Variants in CDK5R1 observed in about 807,000 individuals in gnomAD.
CDK5R1 encodes the protein cyclin-dependent kinase 5 activator 1.
Under a neutral mutation model 19.0 loss-of-function variants are expected in CDK5R1, and 1 was observed. The observed-to-expected ratio is 0.05, with a 90% CI of 0.02 to 0.25. The LOEUF is 0.25. CDK5R1 is among the 10% of genes least tolerant of loss of function. The pLI is 1.00. For missense variants in CDK5R1, 314 were observed against 401.0 expected (o/e 0.78, Z 1.85); for synonymous variants, 225 against 187.7 (o/e 1.20, Z -1.62).
chr17:32,488,214 G>A lies in CDK5R1; in HGVS notation c.594G>A (p.Pro198=), dbSNP rs757514550. The change falls in exon 2 of 2, where the codon CCG becomes CCA. Residue 198 remains proline (P), a synonymous_variant. Transcript: ENST00000313401. ...GGCAGGACCAGGGCTTCATCACGCCGGCCAACGTGGTCTTCCTCTACATGC... is the reference window on the plus strand; with the variant it reads ...GGCAGGACCAGGGCTTCATCACGCCAGCCAACGTGGTCTTCCTCTACATGC... The part of the protein sequence containing the change: ...QGWQDQGFIT[P]ANVVFLYMLC... 1.2e-6 allele frequency: 2 copies of A among 1,613,900 alleles called. No individual in the cohort carries two copies. The highest frequency in any genetic ancestry group is 1.7e-5 in the Admixed American group (1 of 60,036).
rs536148917 is a variant in CDK5R1 at position 32,490,338 on chromosome 17, G to C, written c.*1794G>C. ...ATGGAAGAGGGAGGGTCAGTGCCAA[G>C]TCTCAGGAGGAGGGCGCATGTGTGT... On this transcript the variant is annotated 3_prime_UTR_variant, in exon 2 of 2. Transcript: ENST00000313401. The C allele has an allele frequency of 6.0e-6, 1 of 167,358 alleles. No homozygotes were observed. The highest frequency in any genetic ancestry group is 1.9e-4 in the East Asian group (1 of 5,200). 10.4% of individuals were successfully genotyped at this position (167,358 alleles called of 1,614,324 possible). A position where few individuals can be genotyped will look rare whatever the true frequency, so the allele number is the denominator to read the frequency against.
rs1233110155 is a variant in CDK5R1, at chr17:32,488,421, C to T, written c.801C>T (p.Leu267=). ...FWDRCLSVIN[L]MSSKMLQINA... is the part of the protein sequence containing the mutation. Reference sequence around the variant, plus strand: ...ACCGTTGCCTCTCTGTCATCAACCTCATGAGCTCAAAGATGCTGCAGATAA... The same window carrying T: ...ACCGTTGCCTCTCTGTCATCAACCTTATGAGCTCAAAGATGCTGCAGATAA... Residue 267 remains leucine, a synonymous_variant, in exon 2 of 2, where the codon CTC becomes CTT. Transcript: ENST00000313401. 4.3e-6 allele frequency: 7 copies of T among 1,614,134 alleles called. No individual in the cohort carries two copies. Among genetic ancestry groups the T allele is most frequent in the African/African-American group, 2.7e-5 (2 of 75,024 alleles).
chr17:32,489,364 A>C lies in CDK5R1; in HGVS notation c.*820A>C. 1 of 453,468 alleles carries C rather than the reference A, an allele frequency of 2.2e-6. No homozygotes were observed. Among genetic ancestry groups the C allele is most frequent in the Middle Eastern group, 4.1e-4 (1 of 2,416 alleles). The allele number at this position is 453,468 out of a possible 1,614,324, so 28.1% of individuals were successfully genotyped here. On this transcript the variant is annotated 3_prime_UTR_variant, in exon 2 of 2. Transcript: ENST00000313401. ...GTGCAGTCACCCTGTGGCAAATGCCAGGACAGCTGCAGGTGCCCATTAGCA... is the reference window on the plus strand; with the variant it reads ...GTGCAGTCACCCTGTGGCAAATGCCCGGACAGCTGCAGGTGCCCATTAGCA...
At position 32,489,030 on chromosome 17, in the gene CDK5R1, G is replaced by A. The variant is rs1908778018; in HGVS notation, c.*486G>A. 2.6e-6 allele frequency: 1 copy of A among 386,242 alleles called. No individual in the cohort carries two copies. Among genetic ancestry groups the A allele is most frequent in the Admixed American group, 3.3e-5 (1 of 30,104 alleles). The allele number at this position is 386,242 out of a possible 1,614,324, so 23.9% of individuals were successfully genotyped here. A position where few individuals can be genotyped will look rare whatever the true frequency, so the allele number is the denominator to read the frequency against. ...AGTGGGGTCGTGAGGCAAGATCCCC[G>A]CCACCCGGGGACATCTTCAATCTAG... On this transcript the variant is annotated 3_prime_UTR_variant, in exon 2 of 2. Coordinates refer to ENST00000313401, the MANE Select transcript of CDK5R1 (RefSeq NM_003885.3).
chr17:32,489,891 C>T lies in CDK5R1; in HGVS notation c.*1347C>T, dbSNP rs914120723. ...AGACACTACAGAGGATTCTGTCTTC[C>T]AGGCCCAGTCCACTGGGGAGTGCTG... On this transcript the variant is annotated 3_prime_UTR_variant, in exon 2 of 2. Transcript: ENST00000313401. 2.4e-5 allele frequency: 4 copies of T among 167,088 alleles called. No individual in the cohort carries two copies. Among genetic ancestry groups the T allele is most frequent in the Non-Finnish European group, 1.5e-5 (1 of 68,184 alleles). The allele number at this position is 167,088 out of a possible 1,614,324, so 10.4% of individuals were successfully genotyped here. A position where few individuals can be genotyped will look rare whatever the true frequency, so the allele number is the denominator to read the frequency against.
In CDK5R1 at chr17:32,488,571, G is replaced by C. The variant is rs1321902846; in HGVS notation, c.*27G>C. On this transcript the variant is annotated 3_prime_UTR_variant, in exon 2 of 2. Transcript: ENST00000313401. Reference sequence around the variant, plus strand: ...CACTGTAGCCTGCGTCATGGCTCAAGGATTCAATGCATTTTTAAGAATTTA... The same window carrying C: ...CACTGTAGCCTGCGTCATGGCTCAACGATTCAATGCATTTTTAAGAATTTA... 1.2e-6 allele frequency: 2 copies of C among 1,613,940 alleles called. No individual in the cohort carries two copies. The highest frequency in any genetic ancestry group is 1.7e-5 in the Admixed American group (1 of 60,020).
In CDK5R1 at chr17:32,488,385, G is replaced by A. The variant is rs775959493; in HGVS notation, c.765G>A (p.Glu255=). The A allele has an allele frequency of 4.8e-5, 78 of 1,613,928 alleles. No individual in the cohort carries two copies. Among genetic ancestry groups the A allele is most frequent in the Non-Finnish European group, 6.4e-5 (75 of 1,180,028 alleles). Residue 255 remains glutamate, a synonymous_variant, in exon 2 of 2, where the codon GAG becomes GAA. Coordinates refer to ENST00000313401, the MANE Select transcript of CDK5R1 (RefSeq NM_003885.3). ...LKPFLVESCK[E]AFWDRCLSVI... ...CCTTCCTGGTGGAGAGCTGCAAGGAGGCCTTTTGGGACCGTTGCCTCTCTG... is the reference window on the plus strand; with the variant it reads ...CCTTCCTGGTGGAGAGCTGCAAGGAAGCCTTTTGGGACCGTTGCCTCTCTG...
rs1333698141 is a variant in CDK5R1 at position 32,487,125 on chromosome 17, T to A, written c.-183T>A. ...GCGGCGGCGGGGCCGCGGCGCGCATTGCGGAGGGCGCGGAGCGCAGGAGCT... is the reference window on the plus strand; with the variant it reads ...GCGGCGGCGGGGCCGCGGCGCGCATAGCGGAGGGCGCGGAGCGCAGGAGCT... On this transcript the variant is annotated 5_prime_UTR_variant, in exon 1 of 2. Transcript: ENST00000313401. This position sits in a 1 kb window ranked among gnomAD's most constrained non-coding sequence, Gnocchi z 7.9. 1 of 145,710 alleles carries A rather than the reference T, an allele frequency of 6.9e-6. No individual in the cohort carries two copies. The allele number at this position is 145,710 out of a possible 1,614,324, so 9.0% of individuals were successfully genotyped here. A position where few individuals can be genotyped will look rare whatever the true frequency, so the allele number is the denominator to read the frequency against.
chr17:32,487,688 C>A lies in CDK5R1; in HGVS notation c.68C>A (p.Thr23Asn). The change falls in exon 2 of 2, where the codon ACC (threonine) becomes AAC (asparagine). Residue 23 changes from threonine (T) to asparagine (N), a missense_variant. Physicochemically the swap from Thr to Asn is moderately conservative, Grantham distance 65. Transcript: ENST00000313401. This position sits in a 1 kb window ranked among gnomAD's most constrained non-coding sequence, Gnocchi z 7.9. Reference protein sequence around the residue: ...KATLFEDGAATVGHYTAVQNS... With the variant: ...KATLFEDGAANVGHYTAVQNS... ...ACGCTGTTTGAGGATGGCGCGGCCA[C>A]CGTGGGCCACTATACGGCCGTACAG... The A allele has an allele frequency of 6.2e-7, 1 of 1,613,736 alleles. No homozygotes were observed. The highest frequency in any genetic ancestry group is 1.7e-5 in the Admixed American group (1 of 60,002).
Position 32,487,863 on chromosome 17 carries a change from C to G in CDK5R1, c.243C>G (p.Leu81=). 1.2e-6 allele frequency: 2 copies of G among 1,614,040 alleles called. No homozygotes were observed. The highest frequency in any genetic ancestry group is 1.7e-6 in the Non-Finnish European group (2 of 1,180,028). The change falls in exon 2 of 2, where the codon CTC becomes CTG. Residue 81 remains leucine (L), a synonymous_variant. Coordinates refer to ENST00000313401, the MANE Select transcript of CDK5R1 (RefSeq NM_003885.3). This position sits in a 1 kb window ranked among gnomAD's most constrained non-coding sequence, Gnocchi z 7.9. The stretch of plus-strand genomic sequence containing the variant: ...GCTACCAGAACAACATCACGCACCT[C>G]AACAATGAGAACCTGAAGAAGTCGC... ...NSSYQNNITH[L]NNENLKKSLS...
chr17:32,488,503 C>G lies in CDK5R1; in HGVS notation c.883C>G (p.Gln295Glu). 1.9e-6 allele frequency: 3 copies of G among 1,614,170 alleles called. No homozygotes were observed. The highest frequency in any genetic ancestry group is 2.5e-6 in the Non-Finnish European group (3 of 1,180,036). ...VFSDLKNESG[Q>E]EDKKRLLLGL... ...CTCCGACCTGAAGAACGAGAGCGGCCAGGAGGACAAGAAGCGGCTCCTCCT... is the reference window on the plus strand; with the variant it reads ...CTCCGACCTGAAGAACGAGAGCGGCGAGGAGGACAAGAAGCGGCTCCTCCT... The change falls in exon 2 of 2, where the codon CAG (glutamine) becomes GAG (glutamate). Residue 295 changes from glutamine to glutamate, a missense_variant. Around this residue, in one of 3 missense-constraint regions of CDK5R1, gnomAD observed 106 missense variants for 132.1 expected, o/e 0.80. Coordinates refer to ENST00000313401, the MANE Select transcript of CDK5R1 (RefSeq NM_003885.3).
In CDK5R1 at chr17:32,489,275, GC is replaced by G. The variant is rs1443225252; in HGVS notation, c.*732del. 2.1e-6 allele frequency: 1 copy of G among 471,110 alleles called. No homozygotes were observed. The highest frequency in any genetic ancestry group is 2.3e-5 in the Admixed American group (1 of 42,594). 29.2% of individuals were successfully genotyped at this position (471,110 alleles called of 1,614,324 possible). ...TTAATTTCTCTCAATTTGGGTCCCAGCTAAAGAGGTGGGGTGAAGCTGGGGA... is the reference window on the plus strand; with the variant it reads ...TTAATTTCTCTCAATTTGGGTCCCAGTAAAGAGGTGGGGTGAAGCTGGGGA... On this transcript the variant is annotated 3_prime_UTR_variant, in exon 2 of 2. Coordinates refer to ENST00000313401, the MANE Select transcript of CDK5R1 (RefSeq NM_003885.3).
rs1301082610 is a variant in CDK5R1, at chr17:32,487,260, T to G, written c.-146+98T>G. 1 of 146,204 alleles carries G rather than the reference T, an allele frequency of 6.8e-6. No individual in the cohort carries two copies. Among genetic ancestry groups the G allele is most frequent in the Non-Finnish European group, 1.5e-5 (1 of 65,702 alleles). The allele number at this position is 146,204 out of a possible 1,614,324, so 9.1% of individuals were successfully genotyped here. The stretch of plus-strand genomic sequence containing the variant: ...AGGCGGGGGTCCTCGGCCGCCTCCG[T>G]CGGCGACCGGGCCCCTCCCGGCTGC... On this transcript the variant is annotated intron_variant, in intron 1 of 1. Transcript: ENST00000313401. The surrounding 1 kb of genome is among the most constrained non-coding windows in gnomAD (Gnocchi z 7.9).
chr17:32,488,899 C>G lies in CDK5R1; in HGVS notation c.*355C>G, dbSNP rs1384817910. ...AGAGAGGGGCCTCTGGCTGCCTGGC[C>G]CAGGGAGGAATTGGGGTTTCTGGTT... On this transcript the variant is annotated 3_prime_UTR_variant, in exon 2 of 2. Transcript: ENST00000313401. 2.6e-6 allele frequency: 1 copy of G among 384,136 alleles called. No homozygotes were observed. The highest frequency in any genetic ancestry group is 2.2e-5 in the South Asian group (1 of 45,872). The allele number at this position is 384,136 out of a possible 1,614,324, so 23.8% of individuals were successfully genotyped here. A position where few individuals can be genotyped will look rare whatever the true frequency, so the allele number is the denominator to read the frequency against.
In CDK5R1 at chr17:32,487,793, T is replaced by C. The variant is rs1443682931; in HGVS notation, c.173T>C (p.Val58Ala). 2 of 1,613,690 alleles carry C rather than the reference T, an allele frequency of 1.2e-6. No homozygotes were observed. The highest frequency in any genetic ancestry group is 2.2e-5 in the East Asian group (1 of 44,830). Residue 58 changes from valine to alanine, a missense_variant, in exon 2 of 2, where the codon GTG becomes GCG. Coordinates refer to ENST00000313401, the MANE Select transcript of CDK5R1 (RefSeq NM_003885.3). The surrounding 1 kb of genome is among the most constrained non-coding windows in gnomAD (Gnocchi z 7.9). Reference protein sequence around the residue: ...SVLPWKRIVAVSAKKKNSKKV... With the variant: ...SVLPWKRIVAASAKKKNSKKV... ...CTGCCTTGGAAGAGAATCGTGGCCG[T>C]GTCGGCCAAGAAGAAGAACTCCAAG...
rs1908745732 is a variant in CDK5R1 at position 32,488,159 on chromosome 17, G to T, written c.539G>T (p.Ser180Ile). The stretch of plus-strand genomic sequence containing the variant: ...ACGGACCCCGTGCTCTGGCTGCGCA[G>T]CGTGGACCGCTCGCTGCTTCTGCAG... ...SPTDPVLWLRSVDRSLLLQGW... is the reference protein window; with the variant it reads ...SPTDPVLWLRIVDRSLLLQGW... Residue 180 changes from serine to isoleucine, a missense_variant, in exon 2 of 2, where the codon AGC becomes ATC. Transcript: ENST00000313401. 1 of 1,613,612 alleles carries T rather than the reference G, an allele frequency of 6.2e-7. No individual in the cohort carries two copies. The highest frequency in any genetic ancestry group is 8.5e-7 in the Non-Finnish European group (1 of 1,180,022).
In CDK5R1 at chr17:32,487,743, G is replaced by A. The variant is rs780152750; in HGVS notation, c.123G>A (p.Leu41=). The A allele has an allele frequency of 6.2e-7, 1 of 1,614,122 alleles. No homozygotes were observed. Residue 41 remains leucine (L), a synonymous_variant, in exon 2 of 2, where the codon CTG becomes CTA. Coordinates refer to ENST00000313401, the MANE Select transcript of CDK5R1 (RefSeq NM_003885.3). This position sits in a 1 kb window ranked among gnomAD's most constrained non-coding sequence, Gnocchi z 7.9. ...QNSKNAKDKN[L]KRHSIISVLP... is the part of the protein sequence containing the mutation. Reference sequence around the variant, plus strand: ...GCAAGAACGCCAAGGACAAGAACCTGAAGCGCCACTCCATCATCTCCGTGC... The same window carrying A: ...GCAAGAACGCCAAGGACAAGAACCTAAAGCGCCACTCCATCATCTCCGTGC...
rs1445594283 is a variant in CDK5R1 at position 32,489,215 on chromosome 17, G to A, written c.*671G>A. On this transcript the variant is annotated 3_prime_UTR_variant, in exon 2 of 2. Transcript: ENST00000313401. ...CCCCTTGTCTGCTGCTCCCAGCCACGTTGGTGGTATTGGCCGATGAGCTGG... is the reference window on the plus strand; with the variant it reads ...CCCCTTGTCTGCTGCTCCCAGCCACATTGGTGGTATTGGCCGATGAGCTGG... 6.4e-6 allele frequency: 3 copies of A among 471,030 alleles called. No homozygotes were observed. The highest frequency in any genetic ancestry group is 4.0e-5 in the African/African-American group (2 of 50,082). The allele number at this position is 471,030 out of a possible 1,614,324, so 29.2% of individuals were successfully genotyped here.
At position 32,487,528 on chromosome 17, in the gene CDK5R1, G is replaced by A. The variant is rs1908714815; in HGVS notation, c.-93G>A. 2 of 1,018,360 alleles carry A rather than the reference G, an allele frequency of 2.0e-6. No individual in the cohort carries two copies. Among genetic ancestry groups the A allele is most frequent in the African/African-American group, 1.6e-5 (1 of 61,326 alleles). The allele number at this position is 1,018,360 out of a possible 1,614,324, so 63.1% of individuals were successfully genotyped here. The stretch of plus-strand genomic sequence containing the variant: ...CGGGAGCGCCCCCGCCTCCTCTCCG[G>A]GGCCGCCGCAGGCTCGGTGAGCGGT... On this transcript the variant is annotated 5_prime_UTR_variant, in exon 2 of 2. Coordinates refer to ENST00000313401, the MANE Select transcript of CDK5R1 (RefSeq NM_003885.3). The surrounding 1 kb of genome is among the most constrained non-coding windows in gnomAD (Gnocchi z 7.9).
Sources: gnomAD v4.1 joint callset for allele counts on GRCh38, gnomAD v4.1.1 for gene constraint, gnomAD v4.1.1 regional missense constraint, Gnocchi (gnomAD v3.1) non-coding constraint, MANE v1.5 for transcripts, NCBI Gene and HGNC (gene_info 2026-07-23, HGNC 2026-07-21) for gene names.